NEMP2: variants seen among roughly 807,000 people sequenced by gnomAD.
NEMP2 encodes UPF0571 transmembrane protein.
A neutral mutation model predicts 54.2 loss-of-function variants in NEMP2; 53 were observed. The ratio of observed to expected loss-of-function variants is 0.98; its 90% CI spans 0.78 to 1.23. The LOEUF (loss-of-function observed/expected upper bound fraction) is 1.23, where lower values mean the gene tolerates loss of function less well. NEMP2 is among the 50% of genes most tolerant of loss of function. NEMP2 has a pLI of 0.00. For missense variants in NEMP2, 455 were observed against 511.3 expected (o/e 0.89, Z 1.06); for synonymous variants, 197 against 190.3 (o/e 1.04, Z -0.29).
chr2:190,615,635 C>T, the NEMP2 span, among the ~76,000 whole-genome samples: 4 of 152,196 alleles, frequency 2.6e-5, no homozygotes, highest in African/African-American at 9.7e-5. The surrounding 1 kb of genome is among the most constrained non-coding windows in gnomAD (Gnocchi z 4.7). Context: ...CTATCCTCTC[C>T]CCTCCCGAGA....
the NEMP2 span, among the ~76,000 whole-genome samples, chr2:190,465,359 C>G: frequency 1.3e-5 from 2 of 152,132 alleles, no homozygotes; most frequent in African/African-American, 2.4e-5. The surrounding 1 kb of genome is among the most constrained non-coding windows in gnomAD (Gnocchi z 4.6). Context: ...TGAAATAGGA[C>G]AGTCATGCTG....
At chr2:190,535,380 T>A (rs1439890139), upstream of NEMP2, among the ~76,000 whole-genome samples, 1 of 152,138 alleles carries the variant, frequency 6.6e-6, no homozygotes, top group Non-Finnish European at 1.5e-5. Context: ...TAAAATTACC[T>A]TATGTTAAAA....
chr2:190,487,255 C>T, the NEMP2 span, among the ~76,000 whole-genome samples: 5 of 152,130 alleles, frequency 3.3e-5, no homozygotes, highest in East Asian at 1.9e-4. This position sits in a 1 kb window ranked among gnomAD's most constrained non-coding sequence, Gnocchi z 5.5. Context: ...GCAGGAGGAT[C>T]GCTTGAACCC....
At chr2:190,447,390 G>T in the NEMP2 span, among the ~76,000 whole-genome samples, 1 of 152,148 alleles carries the variant, frequency 6.6e-6, no homozygotes, top group Middle Eastern at 3.2e-3. The surrounding 1 kb of genome is among the most constrained non-coding windows in gnomAD (Gnocchi z 4.5). Flanking sequence ...GCCAACTAGA[G>T]AGCTTTGGAT....
the NEMP2 span, among the ~76,000 whole-genome samples, chr2:190,589,951 C>G: frequency 1.3e-5 from 2 of 152,160 alleles, no homozygotes; most frequent in Non-Finnish European, 2.9e-5. The surrounding 1 kb of genome is among the most constrained non-coding windows in gnomAD (Gnocchi z 4.3). Flanking sequence ...AGAATCCAGT[C>G]TCTGATAGAG....
chr2:190,442,817 C>T, the NEMP2 span: 1 of 151,990 alleles, frequency 6.6e-6, no homozygotes. Context: ...AAGTCTGAAG[C>T]TTATAGGAGA....
At chr2:190,599,283 G>A in the NEMP2 span, among the ~76,000 whole-genome samples, 1 of 152,138 alleles carries the variant, frequency 6.6e-6, no homozygotes, top group African/African-American at 2.4e-5. Context: ...AAGATGTGGT[G>A]AGAATTCTGT....
chr2:190,514,508 G>A lies in NEMP2; in HGVS notation c.898C>T (p.Leu300Phe). The A allele has an allele frequency of 6.4e-7, 1 of 1,551,662 alleles. No homozygotes were observed. The highest frequency in any genetic ancestry group is 2.4e-5 in the East Asian group (1 of 40,924). ...TAGTGCAGACTCCAGGAGGACATGA[G>A]GAGGATTATGGCTGCATAGGCAAAC... ...PQFAYAAIIL[L>F]MSSWSLHYPL... The change falls in exon 7 of 9, where the codon CTC becomes TTC. Residue 300 changes from leucine (L) to phenylalanine (F), a missense_variant. Coordinates refer to ENST00000409150, the MANE Select transcript of NEMP2 (RefSeq NM_001142645.2). The surrounding 1 kb of genome is among the most constrained non-coding windows in gnomAD (Gnocchi z 5.7).
At chr2:190,594,708 C>T in the NEMP2 span, among the ~76,000 whole-genome samples, 33 of 152,342 alleles carry the variant, frequency 2.2e-4, no homozygotes, top group African/African-American at 7.5e-4. This position sits in a 1 kb window ranked among gnomAD's most constrained non-coding sequence, Gnocchi z 5.6. Flanking sequence ...GCTGGGACTA[C>T]AGGCGTGTGC....
the NEMP2 span, among the ~76,000 whole-genome samples, chr2:190,494,132 G>C: frequency 1.3e-5 from 2 of 151,942 alleles, no homozygotes; most frequent in Admixed American, 6.6e-5. The surrounding 1 kb of genome is among the most constrained non-coding windows in gnomAD (Gnocchi z 5.7). Context: ...GAAAAGAAAA[G>C]AGAAAATCCA....
chr2:190,538,077 A>C (rs1219725693), upstream of NEMP2, among the ~76,000 whole-genome samples: 1 of 152,220 alleles, frequency 6.6e-6, no homozygotes, highest in Non-Finnish European at 1.5e-5. This position sits in a 1 kb window ranked among gnomAD's most constrained non-coding sequence, Gnocchi z 4.1. Context: ...AATCCACTCT[A>C]GCATTCCAAA....
chr2:190,424,664 A>G, the NEMP2 span, among the ~76,000 whole-genome samples: 2 of 152,110 alleles, frequency 1.3e-5, no homozygotes, highest in Non-Finnish European at 2.9e-5. The surrounding 1 kb of genome is among the most constrained non-coding windows in gnomAD (Gnocchi z 5.9). Context: ...ATGGATGTCT[A>G]ATTACCTCAG....
the NEMP2 span, among the ~76,000 whole-genome samples, chr2:190,494,972 T>C: frequency 1.3e-5 from 2 of 152,174 alleles, no homozygotes; most frequent in Non-Finnish European, 2.9e-5. The surrounding 1 kb of genome is among the most constrained non-coding windows in gnomAD (Gnocchi z 5.7). Flanking sequence ...CCACTTCTAT[T>C]CAACATAGTA....
the NEMP2 span, among the ~76,000 whole-genome samples, chr2:190,476,921 G>T: frequency 6.6e-6 from 1 of 151,898 alleles, no homozygotes; most frequent in Non-Finnish European, 1.5e-5. Flanking sequence ...GGATGAAGCT[G>T]GAAACCATCA....
chr2:190,642,821 C>T, the NEMP2 span, among the ~76,000 whole-genome samples: 1 of 151,934 alleles, frequency 6.6e-6, no homozygotes, highest in Non-Finnish European at 1.5e-5. This position sits in a 1 kb window ranked among gnomAD's most constrained non-coding sequence, Gnocchi z 4.1. Context: ...GTTATTCTTC[C>T]TCTCCTCTAA....
At chr2:190,640,608 C>G in the NEMP2 span, among the ~76,000 whole-genome samples, 3 of 152,208 alleles carry the variant, frequency 2.0e-5, no homozygotes, top group East Asian at 3.9e-4. Context: ...AAAGATGTAA[C>G]TTTGCAGTTA....
chr2:190,476,599 G>T, the NEMP2 span, among the ~76,000 whole-genome samples: 1 of 152,202 alleles, frequency 6.6e-6, no homozygotes, highest in Non-Finnish European at 1.5e-5. Context: ...CTTTTACACT[G>T]TTGGTGGGAC....
chr2:190,521,250 C>T lies in NEMP2; in HGVS notation c.214-2067G>A, dbSNP rs2125326940. Among the ~76,000 whole-genome samples the T allele has an allele frequency of 6.6e-6, 1 of 152,332 alleles. No homozygotes were observed. Among genetic ancestry groups the T allele is most frequent in the East Asian group, 1.9e-4 (1 of 5,178 alleles). The stretch of plus-strand genomic sequence containing the variant: ...TCTCCACTGTTGATCCTTCCTACTT[C>T]ACTGAAAATGGAAGAAATCAGAAGT... On this transcript the variant is annotated intron_variant, in intron 2 of 8. Transcript: ENST00000409150. This position sits in a 1 kb window ranked among gnomAD's most constrained non-coding sequence, Gnocchi z 6.2.
the NEMP2 span, chr2:190,609,127 G>A: frequency 6.6e-6 from 1 of 152,164 alleles, no homozygotes; most frequent in Non-Finnish European, 1.5e-5. The surrounding 1 kb of genome is among the most constrained non-coding windows in gnomAD (Gnocchi z 4.7). Flanking sequence ...TCTGTAACCA[G>A]TTACAGGGAG....
Sources: gnomAD v4.1 joint callset for allele counts (sites outside exome capture counted in the v4.1 genomes callset) on GRCh38, gnomAD v4.1.1 for gene constraint, Gnocchi (gnomAD v3.1) non-coding constraint, MANE v1.5 for transcripts, NCBI Gene and HGNC (gene_info 2026-07-23, HGNC 2026-07-21) for gene names.